MAF: variants seen among roughly 807,000 people sequenced by gnomAD.
MAF encodes the protein transcription factor Maf.
MAF carries 10 observed loss-of-function variants against 22.0 expected under a neutral mutation model. The observed-to-expected ratio is 0.45, with a 90% CI of 0.28 to 0.77. MAF has a LOEUF of 0.77. Among genes scored for constraint, MAF ranks in the 30% least tolerant of loss-of-function variants. MAF has a pLI of 0.12. For missense variants in MAF, 544 were observed against 548.4 expected, an observed-to-expected ratio of 0.99 and a Z score of 0.08; for synonymous variants, 337 against 255.8, an observed-to-expected ratio of 1.32 and a Z score of -3.03.
chr16:79,407,976 C>A, the MAF span, among the ~76,000 whole-genome samples: 1 of 147,896 alleles, frequency 6.8e-6, no homozygotes, highest in Admixed American at 7.0e-5. Flanking sequence ...GAGGAAATTC[C>A]TTCTCAGAGG....
At chr16:79,280,604 C>T in the MAF span, among the ~76,000 whole-genome samples, 1 of 152,172 alleles carries the variant, frequency 6.6e-6, no homozygotes, top group African/African-American at 2.4e-5. Flanking sequence ...GGACCAAGAA[C>T]TGGAAGGCTT....
At chr16:79,441,345 G>A in the MAF span, among the ~76,000 whole-genome samples, 1 of 152,164 alleles carries the variant, frequency 6.6e-6, no homozygotes, top group Non-Finnish European at 1.5e-5. Context: ...TAAAAATGGG[G>A]AAAGAGAAGG....
the MAF span, among the ~76,000 whole-genome samples, chr16:79,328,311 G>T: frequency 5.3e-5 from 8 of 151,882 alleles, no homozygotes; most frequent in Non-Finnish European, 8.8e-5. Flanking sequence ...ATCAGGTTCT[G>T]CATTTGGAAG....
At chr16:79,462,825 G>A in the MAF span, among the ~76,000 whole-genome samples, 2 of 152,190 alleles carry the variant, frequency 1.3e-5, no homozygotes, top group Non-Finnish European at 2.9e-5. Context: ...AAAGTAAACA[G>A]GACAAGTCAA....
At chr16:79,452,549 T>C in the MAF span, among the ~76,000 whole-genome samples, 2 of 152,200 alleles carry the variant, frequency 1.3e-5, no homozygotes, top group Non-Finnish European at 1.5e-5. Flanking sequence ...TGACTTTTTT[T>C]CAGTAAAATT....
At chr16:79,401,605 T>G in the MAF span, among the ~76,000 whole-genome samples, 1 of 152,106 alleles carries the variant, frequency 6.6e-6, no homozygotes, top group Non-Finnish European at 1.5e-5. Flanking sequence ...TCATGAACTT[T>G]AGAGAAAGAA....
the MAF span, among the ~76,000 whole-genome samples, chr16:79,486,775 T>C: frequency 1.3e-5 from 2 of 152,228 alleles, no homozygotes; most frequent in Admixed American, 1.3e-4. Context: ...TAATTAACTA[T>C]CCTAAAAGAA....
At chr16:79,510,528 A>T in the MAF span, among the ~76,000 whole-genome samples, 1 of 152,124 alleles carries the variant, frequency 6.6e-6, no homozygotes, top group South Asian at 2.1e-4. Context: ...GGGTTCCAGA[A>T]TGGAAGGTTC....
At chr16:79,364,012 CGAA>C in the MAF span, among the ~76,000 whole-genome samples, 5,886 of 152,128 alleles carry the variant, frequency 0.039, 253 homozygotes, top group African/African-American at 0.1. Context: ...AGGTTGTGCC[CGAA>C]AAGCAACTCA....
chr16:79,479,261 A>G, the MAF span, among the ~76,000 whole-genome samples: 1 of 152,330 alleles, frequency 6.6e-6, no homozygotes, highest in South Asian at 2.1e-4. Context: ...CCTTTGTACC[A>G]TCATACCTTT....
At chr16:79,358,366 G>C in the MAF span, among the ~76,000 whole-genome samples, 67 of 152,228 alleles carry the variant, frequency 4.4e-4, no homozygotes, top group African/African-American at 1.5e-3. Context: ...ATGAGAACTG[G>C]ACAGGCAGCT....
the MAF span, among the ~76,000 whole-genome samples, chr16:79,375,834 G>A: frequency 2.0e-5 from 3 of 152,116 alleles, no homozygotes; most frequent in Admixed American, 1.3e-4. Flanking sequence ...GTGGTTCCCA[G>A]CCTCTGAACC....
the MAF span, among the ~76,000 whole-genome samples, chr16:79,502,708 A>AATATAAATATATATACAT: frequency 1.5e-4 from 5 of 34,004 alleles, no homozygotes; most frequent in Admixed American, 5.4e-4. Context: ...TATAAATATA[A>AATATAAATATATATACAT]ATATATATAT....
chr16:79,337,627 A>C, the MAF span, among the ~76,000 whole-genome samples: 1 of 152,102 alleles, frequency 6.6e-6, no homozygotes, highest in Admixed American at 6.6e-5. Flanking sequence ...CCCAACCCAG[A>C]AACCATCTCC....
At chr16:79,240,146 G>C in the MAF span, among the ~76,000 whole-genome samples, 1 of 151,826 alleles carries the variant, frequency 6.6e-6, no homozygotes, top group Non-Finnish European at 1.5e-5. Flanking sequence ...ATGGCGGGGG[G>C]TGTAAGTGGA....
At chr16:79,595,953 G>C in intron 1 of MAF, 2 of 1,059,818 alleles carry the variant, frequency 1.9e-6, no homozygotes, top group South Asian at 4.6e-5. Context: ...AAACAACTAT[G>C]ATTTGTCATG....
the MAF span, among the ~76,000 whole-genome samples, chr16:79,228,511 T>G: frequency 1.3e-5 from 2 of 152,056 alleles, no homozygotes; most frequent in Non-Finnish European, 2.9e-5. Flanking sequence ...CAAATTGGCC[T>G]GGATCCATTT....
In MAF at chr16:79,598,889, C is replaced by A; in HGVS notation, c.1014G>T (p.Val338=). The change falls in exon 1 of 2, where the codon GTG becomes GTT. Residue 338 remains valine, a synonymous_variant. Coordinates refer to ENST00000326043, the MANE Select transcript of MAF (RefSeq NM_005360.5). ...DHLKQEISRL[V]RERDAYKEKY... is the part of the protein sequence containing the mutation. ...TCTCCTTGTACGCGTCCCTCTCGCGCACCAGCCTGGAGATCTCCTGCTTGA... is the reference window on the plus strand; with the variant it reads ...TCTCCTTGTACGCGTCCCTCTCGCGAACCAGCCTGGAGATCTCCTGCTTGA... The A allele has an allele frequency of 1.2e-6, 2 of 1,613,798 alleles. No homozygotes were observed. The highest frequency in any genetic ancestry group is 1.7e-6 in the Non-Finnish European group (2 of 1,179,992).
the MAF span, among the ~76,000 whole-genome samples, chr16:79,278,124 G>A: frequency 6.6e-6 from 1 of 152,220 alleles, no homozygotes; most frequent in Non-Finnish European, 1.5e-5. Flanking sequence ...GGACACAGCT[G>A]TCTAATTAGG....
Sources: gnomAD v4.1 joint callset for allele counts (sites outside exome capture counted in the v4.1 genomes callset) on GRCh38, gnomAD v4.1.1 for gene constraint, MANE v1.5 for transcripts, NCBI Gene and HGNC (gene_info 2026-07-23, HGNC 2026-07-21) for gene names.